Variants in VILL observed in about 807,000 individuals in gnomAD.
The protein encoded by VILL is villin-like protein.
A neutral mutation model predicts 106.3 loss-of-function variants in VILL; 102 were observed. The ratio of observed to expected loss-of-function variants is 0.96; its 90% CI spans 0.82 to 1.13. The LOEUF is 1.13. VILL is among the 50% of genes most tolerant of loss of function. The probability of loss-of-function intolerance (pLI) is 0.00; values close to 1 mark genes in which losing one functional copy is unlikely to be tolerated. For synonymous variants in VILL, 431 were observed against 440.3 expected (o/e 0.98, Z 0.27); for missense variants, 1,076 against 1,116.6 (o/e 0.96, Z 0.52).
chr3:37,994,768 C>A (rs934543871), intron 4 of VILL, among the ~76,000 whole-genome samples: 1 of 152,254 alleles, frequency 6.6e-6, no homozygotes, highest in African/African-American at 2.4e-5. Flanking sequence ...CACCCCCATC[C>A]CCTGCCCTAG....
Position 37,997,342 on chromosome 3 carries a change from T to C in VILL, c.562-141T>C, listed in dbSNP as rs1699721579. On this transcript the variant is annotated intron_variant, in intron 6 of 19. Coordinates refer to ENST00000383759, the MANE Select transcript of VILL (RefSeq NM_015873.4). This position sits in a 1 kb window ranked among gnomAD's most constrained non-coding sequence, Gnocchi z 4.7. ...CAAGCTGAGTTCAGACCCTGCATTGTTGGTGTCCCCCTGGATGCCAGGATG... is the reference window on the plus strand; with the variant it reads ...CAAGCTGAGTTCAGACCCTGCATTGCTGGTGTCCCCCTGGATGCCAGGATG... 2 of 1,161,850 alleles carry C rather than the reference T, an allele frequency of 1.7e-6. No individual in the cohort carries two copies. Among genetic ancestry groups the C allele is most frequent in the African/African-American group, 1.5e-5 (1 of 65,612 alleles). The allele number at this position is 1,161,850 out of a possible 1,614,324, so 72.0% of individuals were successfully genotyped here.
At chr3:38,002,314 C>A in intron 13 of VILL, 82 bp from the exon 14 acceptor site, 1 of 1,380,788 alleles carries the variant, frequency 7.2e-7, no homozygotes. Context: ...GGTCCCTGAG[C>A]TCTGAGGCAA....
chr3:37,997,208 C>T lies in VILL; in HGVS notation c.561+21C>T, dbSNP rs1262658021. 4 of 1,609,274 alleles carry T rather than the reference C, an allele frequency of 2.5e-6. No individual in the cohort carries two copies. The African/African-American group carries it at 5.3e-5, about 21-fold the overall frequency. On this transcript the variant is annotated intron_variant, in intron 6 of 19. Transcript: ENST00000383759. The surrounding 1 kb of genome is among the most constrained non-coding windows in gnomAD (Gnocchi z 4.7). ...CTCGGGTCAGTGTCTGCCCAAGGAACTGGGGAGTACGGGGCTTGGGCGGGG... is the reference window on the plus strand; with the variant it reads ...CTCGGGTCAGTGTCTGCCCAAGGAATTGGGGAGTACGGGGCTTGGGCGGGG...
chr3:37,995,917 G>A (rs1056248538), intron 5 of VILL, 70 bp downstream of exon 5: 1 of 1,328,698 alleles, frequency 7.5e-7, no homozygotes, highest in Non-Finnish European at 1.1e-6. Context: ...GTATAAGGAG[G>A]TTGGAAATTG....
In VILL at chr3:37,997,950, A is replaced by G. The variant is rs1366843646; in HGVS notation, c.765-140A>G. 4 of 873,998 alleles carry G rather than the reference A, an allele frequency of 4.6e-6. No individual in the cohort carries two copies. The highest frequency in any genetic ancestry group is 6.9e-6 in the Non-Finnish European group (4 of 580,996). The allele number at this position is 873,998 out of a possible 1,614,324, so 54.1% of individuals were successfully genotyped here. Reference sequence around the variant, plus strand: ...AAAGCTCCACAGCAAGGCTGCAGTAAAAGTGAAGACTACAACTCGGGGCCC... The same window carrying G: ...AAAGCTCCACAGCAAGGCTGCAGTAGAAGTGAAGACTACAACTCGGGGCCC... On this transcript the variant is annotated intron_variant, in intron 7 of 19. Coordinates refer to ENST00000383759, the MANE Select transcript of VILL (RefSeq NM_015873.4). This position sits in a 1 kb window ranked among gnomAD's most constrained non-coding sequence, Gnocchi z 4.7.
At chr3:37,994,063 C>T (rs911651570) in intron 3 of VILL, 91 bp downstream of exon 3, 3 of 1,543,734 alleles carry the variant, frequency 1.9e-6, no homozygotes, top group Admixed American at 3.4e-5. Context: ...CCCTGGGAAG[C>T]GGCAAGTTGA....
chr3:37,993,403 G>C (rs1241054252), intron 1 of VILL, 184 bp from the exon 2 acceptor site: 3 of 494,400 alleles, frequency 6.1e-6, no homozygotes, highest in African/African-American at 3.9e-5. Context: ...TAGGGTGGCA[G>C]AGCAAGACCC....
In VILL at chr3:38,003,247, AG is replaced by A; in HGVS notation, c.1742del (p.Gly581ValfsTer93). ...ISRKNEETVL[E>X]GQEPPHFWEA... The stretch of plus-strand genomic sequence containing the variant: ...AGGAAGAATGAGGAAACGGTGCTGG[AG>A]GGTCAGGAGCCTCCCCACTTCTGGG... On this transcript the variant is annotated frameshift_variant, in exon 15 of 20. Transcript: ENST00000383759. LOFTEE classifies it high-confidence loss of function. 2 of 1,613,830 alleles carry A rather than the reference AG, an allele frequency of 1.2e-6. No individual in the cohort carries two copies. Among genetic ancestry groups the A allele is most frequent in the Non-Finnish European group, 1.7e-6 (2 of 1,179,896 alleles).
Position 37,998,780 on chromosome 3 carries a change from G to A in VILL, c.943-132G>A. The A allele has an allele frequency of 7.1e-7, 1 of 1,416,442 alleles. No homozygotes were observed. The highest frequency in any genetic ancestry group is 9.3e-7 in the Non-Finnish European group (1 of 1,080,036). The allele number at this position is 1,416,442 out of a possible 1,614,324, so 87.7% of individuals were successfully genotyped here. ...AAGTCGGTGGTGACAGAGTCAATTC[G>A]CTAAGTGGGTCATGAGCTCGGTTAA... On this transcript the variant is annotated intron_variant, in intron 9 of 19. Coordinates refer to ENST00000383759, the MANE Select transcript of VILL (RefSeq NM_015873.4). This position sits in a 1 kb window ranked among gnomAD's most constrained non-coding sequence, Gnocchi z 4.1.
chr3:37,998,461 C>A lies in VILL; in HGVS notation c.942+97C>A. On this transcript the variant is annotated intron_variant, in intron 9 of 19. Coordinates refer to ENST00000383759, the MANE Select transcript of VILL (RefSeq NM_015873.4). This position sits in a 1 kb window ranked among gnomAD's most constrained non-coding sequence, Gnocchi z 4.1. ...CCAGGGTCTAAGGGAGGAATCAGCC[C>A]TCCCCTAGAGTTTGAGTTGGGAAAT... 8.9e-7 allele frequency: 1 copy of A among 1,124,328 alleles called. No individual in the cohort carries two copies. Among genetic ancestry groups the A allele is most frequent in the Non-Finnish European group, 1.3e-6 (1 of 766,272 alleles). 69.6% of individuals were successfully genotyped at this position (1,124,328 alleles called of 1,614,324 possible). A position where few individuals can be genotyped will look rare whatever the true frequency, so the allele number is the denominator to read the frequency against.
intron 13 of VILL, 137 bp downstream of exon 13, chr3:38,001,997 G>A (rs1699827019): frequency 1.4e-6 from 2 of 1,413,134 alleles, no homozygotes; most frequent in Admixed American, 4.0e-5. Flanking sequence ...GCTTGTCCAA[G>A]GCCCAGGAGC....
chr3:37,997,408 G>C lies in VILL; in HGVS notation c.562-75G>C. On this transcript the variant is annotated intron_variant, in intron 6 of 19. Coordinates refer to ENST00000383759, the MANE Select transcript of VILL (RefSeq NM_015873.4). This position sits in a 1 kb window ranked among gnomAD's most constrained non-coding sequence, Gnocchi z 4.7. ...TTCTCCCCATCAGCCTCTGGGAGCT[G>C]AGCAGTGACAGGAGAAGTCTCTGCT... The C allele has an allele frequency of 6.6e-7, 1 of 1,506,128 alleles. No homozygotes were observed. The highest frequency in any genetic ancestry group is 1.7e-5 in the Admixed American group (1 of 57,430). The allele number at this position is 1,506,128 out of a possible 1,614,324, so 93.3% of individuals were successfully genotyped here.
chr3:38,006,524 G>C lies in VILL; in HGVS notation c.2281G>C (p.Gly761Arg). 1.2e-6 allele frequency: 2 copies of C among 1,613,078 alleles called. No individual in the cohort carries two copies. Among genetic ancestry groups the C allele is most frequent in the Non-Finnish European group, 1.7e-6 (2 of 1,179,150 alleles). ...TGCCGTGGCCCTGCAGGCCCTCAAG[G>C]GCTCCCAGGACAGCTCAGAGAATGA... is the stretch of plus-strand genomic sequence containing the variant. ...AGAVALQALK[G>R]SQDSSENDLV... Residue 761 changes from glycine (G) to arginine (R), a missense_variant, in exon 19 of 20, where the codon GGC (glycine) becomes CGC (arginine). Physicochemically the swap from Gly to Arg is moderately radical, Grantham distance 125 (BLOSUM62 -2). Transcript: ENST00000383759.
Position 37,997,215 on chromosome 3 carries a change from G to T in VILL, c.561+28G>T. 2 of 1,604,922 alleles carry T rather than the reference G, an allele frequency of 1.2e-6. No homozygotes were observed. Among genetic ancestry groups the T allele is most frequent in the Non-Finnish European group, 1.7e-6 (2 of 1,171,806 alleles). ...CAGTGTCTGCCCAAGGAACTGGGGA[G>T]TACGGGGCTTGGGCGGGGAATGATC... On this transcript the variant is annotated intron_variant, in intron 6 of 19. Transcript: ENST00000383759. This position sits in a 1 kb window ranked among gnomAD's most constrained non-coding sequence, Gnocchi z 4.7.
chr3:37,994,377 G>T lies in VILL; in HGVS notation c.252G>T (p.Gln84His), dbSNP rs768969612. The T allele has an allele frequency of 1.2e-6, 2 of 1,612,392 alleles. No individual in the cohort carries two copies. Among genetic ancestry groups the T allele is most frequent in the East Asian group, 4.5e-5 (2 of 44,862 alleles). ...GAAEAFQQRL[Q>H]DELGGQTVLH... ...CGGAGGCCTTCCAGCAGCGCCTACAGGACGAGCTGGGGGGCCAGACCGTGC... is the reference window on the plus strand; with the variant it reads ...CGGAGGCCTTCCAGCAGCGCCTACATGACGAGCTGGGGGGCCAGACCGTGC... Residue 84 changes from glutamine to histidine, a missense_variant, in exon 4 of 20, where the codon CAG becomes CAT. Physicochemically the swap from Gln to His is conservative, Grantham distance 24. Coordinates refer to ENST00000383759, the MANE Select transcript of VILL (RefSeq NM_015873.4).
chr3:37,998,067 C>A lies in VILL; in HGVS notation c.765-23C>A, dbSNP rs758639829. ...GATCAGGGAGGGGCTGGGCTGGCCACTCCTGGGTTCCTGTCCCCCCAGTGT... is the reference window on the plus strand; with the variant it reads ...GATCAGGGAGGGGCTGGGCTGGCCAATCCTGGGTTCCTGTCCCCCCAGTGT... On this transcript the variant is annotated intron_variant, in intron 7 of 19. Coordinates refer to ENST00000383759, the MANE Select transcript of VILL (RefSeq NM_015873.4). The surrounding 1 kb of genome is among the most constrained non-coding windows in gnomAD (Gnocchi z 4.1). The A allele has an allele frequency of 6.3e-7, 1 of 1,586,844 alleles. No individual in the cohort carries two copies. Among genetic ancestry groups the A allele is most frequent in the Non-Finnish European group, 8.6e-7 (1 of 1,165,716 alleles).
Position 37,994,350 on chromosome 3 carries a change from TGCGGAGGCC to T in VILL, c.226_234del (p.Ala76_Ala78del), listed in dbSNP as rs760933285. 7.4e-6 allele frequency: 12 copies of T among 1,611,296 alleles called. No homozygotes were observed. Among genetic ancestry groups the T allele is most frequent in the Non-Finnish European group, 1.0e-5 (12 of 1,179,632 alleles). On this transcript the variant is annotated inframe_deletion, in exon 4 of 20. Transcript: ENST00000383759. ...AGGCGGGTGCGGAAGCGCAGGGCGC[TGCGGAGGCC>T]TTCCAGCAGCGCCTACAGGACGAGC...
chr3:38,001,070 A>C (rs1465980551), intron 11 of VILL: 1 of 480,908 alleles, frequency 2.1e-6, no homozygotes, highest in Non-Finnish European at 4.1e-6. Flanking sequence ...GATAAAAGGG[A>C]ATTCATTCAA....
intron 15 of VILL, 194 bp downstream of exon 15, chr3:38,003,507 C>A (rs546604896): frequency 0.095 from 47,946 of 507,202 alleles, 2,013 homozygotes; most frequent in African/African-American, 0.25. Flanking sequence ...TTGCGTCTCT[C>A]AGATGCTGGG....
Sources: gnomAD v4.1 joint callset for allele counts (sites outside exome capture counted in the v4.1 genomes callset) on GRCh38, gnomAD v4.1.1 for gene constraint, Gnocchi (gnomAD v3.1) non-coding constraint, MANE v1.5 for transcripts, NCBI Gene and HGNC (gene_info 2026-07-23, HGNC 2026-07-21) for gene names.